SLC35F1: variants seen among roughly 807,000 people sequenced by gnomAD.
The protein encoded by SLC35F1 is chromosome 6 open reading frame 169.
In SLC35F1, 14 loss-of-function variants were observed where a neutral mutation model predicts 48.7. The ratio of observed to expected loss-of-function variants is 0.29; its 90% CI spans 0.19 to 0.45. The LOEUF is 0.45. Ranked by LOEUF, SLC35F1 falls within the 20% of genes least tolerant of loss-of-function variation. The pLI, the probability that SLC35F1 is intolerant of heterozygous loss-of-function variation, is 1.00. For synonymous variants in SLC35F1, 190 were observed against 202.2 expected (o/e 0.94, Z 0.51); for missense variants, 404 against 500.0 (o/e 0.81, Z 1.83).
intron 1 of SLC35F1, among the ~76,000 whole-genome samples, chr6:117,993,897 T>C (rs939943047): frequency 1.1e-4 from 16 of 152,172 alleles, no homozygotes; most frequent in African/African-American, 3.9e-4. Context: ...CATAGCAAAT[T>C]ACCACATACT....
intron 1 of SLC35F1, among the ~76,000 whole-genome samples, chr6:117,912,614 A>T (rs1395230080): frequency 6.6e-6 from 1 of 152,134 alleles, no homozygotes; most frequent in Non-Finnish European, 1.5e-5. Context: ...AATGAGGTTG[A>T]TTAATATAAA....
At chr6:118,040,269 A>G (rs1772194811) in intron 1 of SLC35F1, among the ~76,000 whole-genome samples, 1 of 152,066 alleles carries the variant, frequency 6.6e-6, no homozygotes, top group African/African-American at 2.4e-5. Flanking sequence ...GCTGGGTTCC[A>G]CCTCTGGGCA....
intron 4 of SLC35F1, among the ~76,000 whole-genome samples, chr6:118,269,425 A>C (rs1243847567): frequency 6.6e-6 from 1 of 152,180 alleles, no homozygotes; most frequent in African/African-American, 2.4e-5. Context: ...ACATAGAATG[A>C]TGTTTTAAGA....
At chr6:118,297,627 TA>T (rs1776202967) in intron 7 of SLC35F1, among the ~76,000 whole-genome samples, 1 of 83,894 alleles carries the variant, frequency 1.2e-5, no homozygotes, top group African/African-American at 5.8e-5. Context: ...AGAACTTATA[TA>T]TATATATATA....
At chr6:117,961,954 C>T (rs969286715) in intron 1 of SLC35F1, among the ~76,000 whole-genome samples, 1 of 152,158 alleles carries the variant, frequency 6.6e-6, no homozygotes, top group African/African-American at 2.4e-5. Context: ...TATCAGAACT[C>T]AGTTTATGCA....
chr6:117,929,841 C>T (rs1776077634), intron 1 of SLC35F1, among the ~76,000 whole-genome samples: 1 of 152,096 alleles, frequency 6.6e-6, no homozygotes, highest in Admixed American at 6.6e-5. Context: ...GCCAAGCTGA[C>T]ACATAAAACG....
In SLC35F1 at chr6:118,272,767, A is replaced by ATATATATATG. The variant is rs1554243257; in HGVS notation, c.638-2683_638-2682insGTATATATAT. 2.0e-3 allele frequency among the ~76,000 whole-genome samples: 267 copies of ATATATATATG among 135,988 alleles called. 3 individuals carry two copies. Among genetic ancestry groups the ATATATATATG allele is most frequent in the African/African-American group, 7.6e-3 (260 of 34,256 alleles). 89.2% of individuals were successfully genotyped at this position (135,988 alleles called of 152,430 possible). On this transcript the variant is annotated intron_variant, in intron 4 of 7. Coordinates refer to ENST00000360388, the MANE Select transcript of SLC35F1 (RefSeq NM_001029858.4). ...TATATATACATATATATATATATGTATATATATATACCATTTTTTAGCATA... is the reference window on the plus strand; with the variant it reads ...TATATATACATATATATATATATGTATATATATATGTATATATATACCATTTTTTAGCATA...
chr6:118,203,837 T>G (rs1774900279), intron 2 of SLC35F1, among the ~76,000 whole-genome samples: 2 of 152,184 alleles, frequency 1.3e-5, no homozygotes. Flanking sequence ...CTTCATTCAT[T>G]TATGTAACAA....
chr6:118,119,446 A>T (rs1455257970), intron 1 of SLC35F1, among the ~76,000 whole-genome samples: 2 of 151,662 alleles, frequency 1.3e-5, no homozygotes, highest in Admixed American at 1.3e-4. Flanking sequence ...AAATGTCTAG[A>T]CAACATATAA....
intron 2 of SLC35F1, among the ~76,000 whole-genome samples, chr6:118,225,987 C>A (rs1159809861): frequency 6.6e-6 from 1 of 150,756 alleles, no homozygotes; most frequent in Non-Finnish European, 1.5e-5. Context: ...GGATTAATAA[C>A]CAGAATATAT....
intron 1 of SLC35F1, among the ~76,000 whole-genome samples, chr6:118,136,015 T>C (rs1773789384): frequency 6.6e-6 from 1 of 152,186 alleles, no homozygotes; most frequent in African/African-American, 2.4e-5. Flanking sequence ...GCCCAAACTC[T>C]TAAGTTATTG....
chr6:118,136,717 T>C (rs1200477469), intron 1 of SLC35F1, among the ~76,000 whole-genome samples: 1 of 152,208 alleles, frequency 6.6e-6, no homozygotes, highest in Non-Finnish European at 1.5e-5. Context: ...TCTGGGATTG[T>C]CAATGGAACC....
In SLC35F1 at chr6:118,258,718, A is replaced by G. The variant is rs1009714574; in HGVS notation, c.478-8277A>G. On this transcript the variant is annotated intron_variant, in intron 3 of 7. Coordinates refer to ENST00000360388, the MANE Select transcript of SLC35F1 (RefSeq NM_001029858.4). ...TGTTGGTAGTATGGTATATAACATG[A>G]CCCTAAAATGGATCTTAATATATAT... Among the ~76,000 whole-genome samples the G allele has an allele frequency of 5.3e-5, 8 of 152,124 alleles. No individual in the cohort carries two copies. The South Asian group carries it at 1.2e-3, about 24-fold the overall frequency.
intron 1 of SLC35F1, among the ~76,000 whole-genome samples, chr6:117,989,113 G>A (rs1206924920): frequency 6.6e-6 from 1 of 152,096 alleles, no homozygotes; most frequent in Admixed American, 6.6e-5. Flanking sequence ...CTTCTCATAG[G>A]TCACCTCTGA....
At chr6:118,102,360 T>A (rs1343935751) in intron 1 of SLC35F1, among the ~76,000 whole-genome samples, 2 of 152,074 alleles carry the variant, frequency 1.3e-5, no homozygotes, top group African/African-American at 2.4e-5. Flanking sequence ...AGTTTTAAAT[T>A]TTTTTTAGAG....
chr6:118,200,423 T>G (rs1774860060), intron 2 of SLC35F1, among the ~76,000 whole-genome samples: 1 of 152,148 alleles, frequency 6.6e-6, no homozygotes, highest in Non-Finnish European at 1.5e-5. Context: ...TACACCAACT[T>G]GACAGGATTC....
intron 3 of SLC35F1, among the ~76,000 whole-genome samples, chr6:118,241,164 A>T: frequency 6.6e-6 from 1 of 152,262 alleles, no homozygotes; most frequent in East Asian, 1.9e-4. Flanking sequence ...GAAAACCTGA[A>T]TTTTTCTTAG....
chr6:117,909,890 G>A (rs962855783), intron 1 of SLC35F1, among the ~76,000 whole-genome samples: 1 of 152,040 alleles, frequency 6.6e-6, no homozygotes, highest in African/African-American at 2.4e-5. Flanking sequence ...TTGGGTTGAC[G>A]GCATTTCATC....
At chr6:118,090,607 G>C (rs1394822726) in intron 1 of SLC35F1, among the ~76,000 whole-genome samples, 1 of 152,142 alleles carries the variant, frequency 6.6e-6, no homozygotes, top group Non-Finnish European at 1.5e-5. Context: ...TTGAAGAACA[G>C]TGAGAAGGAG....
Sources: allele counts gnomAD v4.1 joint callset (sites outside exome capture counted in the v4.1 genomes callset), GRCh38; gene constraint gnomAD v4.1.1; transcripts MANE v1.5; gene names NCBI Gene and HGNC (gene_info 2026-07-23, HGNC 2026-07-21).